The following MBNL3 variants were observed in gnomAD, a reference collection of about 807,000 sequenced individuals.
The protein encoded by MBNL3 is muscleblind like splicing regulator 3.
A neutral mutation model predicts 24.5 loss-of-function variants in MBNL3; 6 were observed. The ratio of observed to expected loss-of-function variants is 0.25; its 90% confidence interval spans 0.13 to 0.48. MBNL3 has a LOEUF of 0.48. Ranked by LOEUF, MBNL3 falls within the 20% of genes least tolerant of loss-of-function variation. The pLI is 0.99. For synonymous variants in MBNL3, 100 were observed against 101.7 expected, an observed-to-expected ratio of 0.98 and a Z score of 0.10; for missense variants, 230 against 293.5, an observed-to-expected ratio of 0.78 and a Z score of 1.58.
chrX:132,403,899 T>G lies in MBNL3; in HGVS notation c.342+2329A>C, dbSNP rs777073793. ...GTCTGATAATGAAATCTGCTTCCTA[T>G]TCTTTGCTCAGTTTGAAATTGAGAC... On this transcript the variant is annotated intron_variant, in intron 3 of 8. Coordinates refer to ENST00000370853, the MANE Select transcript of MBNL3 (RefSeq NM_001386889.1). Among the ~76,000 whole-genome samples, 7 of 111,709 alleles carry G rather than the reference T, an allele frequency of 6.3e-5. No homozygotes were observed. The South Asian group carries it at 2.7e-3, about 42-fold the overall frequency.
At chrX:132,437,854 AC>A (rs1945196823) in intron 2 of MBNL3, 1 of 487,035 alleles carries the variant, frequency 2.1e-6, no homozygotes, top group Admixed American at 9.1e-5. Context: ...CATAATGTCT[AC>A]CACAAATAAA....
At chrX:132,450,385 C>A (rs191275805) in intron 1 of MBNL3, among the ~76,000 whole-genome samples, 71 of 111,332 alleles carry the variant, frequency 6.4e-4, no homozygotes, top group Non-Finnish European at 1.3e-3. Context: ...TTTCTCTAAT[C>A]TTGTCTTCAC....
intron 3 of MBNL3, among the ~76,000 whole-genome samples, chrX:132,397,486 A>G (rs1939998155): frequency 9.0e-6 from 1 of 111,446 alleles, no homozygotes; most frequent in African/African-American, 3.3e-5. Context: ...GGTCAACAGA[A>G]TAATCGGGGC....
intron 1 of MBNL3, among the ~76,000 whole-genome samples, chrX:132,488,597 AAAG>A (rs1948130896): frequency 9.0e-6 from 1 of 111,247 alleles, no homozygotes; most frequent in Admixed American, 9.5e-5. Flanking sequence ...TTTAAATTAA[AAAG>A]AAGAAAGTAG....
chrX:132,462,914 G>A (rs1169816319), intron 1 of MBNL3, among the ~76,000 whole-genome samples: 1 of 111,324 alleles, frequency 9.0e-6, no homozygotes, highest in Non-Finnish European at 1.9e-5. Flanking sequence ...CAATTAACTA[G>A]GGCAATAGAA....
intron 2 of MBNL3, among the ~76,000 whole-genome samples, chrX:132,408,714 T>G (rs756611483): frequency 9.0e-6 from 1 of 111,616 alleles, no homozygotes; most frequent in South Asian, 3.8e-4. Flanking sequence ...TAATGACAGT[T>G]TAGCAGAGCA....
At chrX:132,432,857 A>T (rs1213068643) in intron 2 of MBNL3, 1 of 112,003 alleles carries the variant, frequency 8.9e-6, no homozygotes, top group Non-Finnish European at 1.9e-5. Flanking sequence ...ATGTAAAAAA[A>T]AAAAATCAAG....
At chrX:132,445,736 T>G (rs753636891) in intron 1 of MBNL3, among the ~76,000 whole-genome samples, 36 of 111,865 alleles carry the variant, frequency 3.2e-4, no homozygotes, top group African/African-American at 1.1e-3. Context: ...TAAAAAGATG[T>G]GTCCATTTTT....
chrX:132,478,357 C>T (rs773522056), intron 1 of MBNL3, among the ~76,000 whole-genome samples: 19 of 111,820 alleles, frequency 1.7e-4, no homozygotes, highest in Non-Finnish European at 3.4e-4. Context: ...AATCTTATAG[C>T]ACATCTATAG....
intron 1 of MBNL3, among the ~76,000 whole-genome samples, chrX:132,456,845 T>C (rs1262709017): frequency 1.8e-5 from 2 of 111,911 alleles, no homozygotes; most frequent in Admixed American, 1.9e-4. Flanking sequence ...TTGGAAGGTA[T>C]ATGTTTTCAT....
At chrX:132,452,968 G>C (rs1946186180) in intron 1 of MBNL3, among the ~76,000 whole-genome samples, 1 of 112,178 alleles carries the variant, frequency 8.9e-6, no homozygotes, top group Non-Finnish European at 1.9e-5. Context: ...AAGAAGAAAG[G>C]GGAGCTGGGC....
At chrX:132,400,028 AT>A (rs1012954889) in intron 3 of MBNL3, among the ~76,000 whole-genome samples, 1 of 110,668 alleles carries the variant, frequency 9.0e-6, no homozygotes, top group Non-Finnish European at 1.9e-5. Context: ...CATGTAATTT[AT>A]CTCACGGGAA....
intron 5 of MBNL3, among the ~76,000 whole-genome samples, chrX:132,389,021 A>G (rs1178097928): frequency 2.7e-5 from 3 of 111,790 alleles, no homozygotes; most frequent in Non-Finnish European, 5.6e-5. Flanking sequence ...ATGATATAAT[A>G]TTTAGCTCTC....
intron 1 of MBNL3, among the ~76,000 whole-genome samples, chrX:132,481,368 T>C (rs963927902): frequency 8.9e-6 from 1 of 112,535 alleles, no homozygotes; most frequent in Non-Finnish European, 1.9e-5. Flanking sequence ...TTAATGAATA[T>C]TGGAATAAAA....
chrX:132,476,618 T>C (rs764513006), intron 1 of MBNL3, among the ~76,000 whole-genome samples: 9 of 112,136 alleles, frequency 8.0e-5, no homozygotes, highest in Non-Finnish European at 1.7e-4. Flanking sequence ...TTGAGTTCCA[T>C]GTATACCTTA....
In MBNL3 at chrX:132,391,044, C is replaced by T; in HGVS notation, c.574G>A (p.Glu192Lys). 8.3e-7 allele frequency: 1 copy of T among 1,211,350 alleles called. No homozygotes were observed. Among genetic ancestry groups the T allele is most frequent in the Non-Finnish European group, 1.1e-6 (1 of 895,286 alleles). ...GGGTGAGCATAGCGGCAATCATTCTCCCCACGGGTACAATTTCCACGCTGA... is the reference window on the plus strand; with the variant it reads ...GGGTGAGCATAGCGGCAATCATTCTTCCCACGGGTACAATTTCCACGCTGA... ...EFQRGNCTRG[E>K]NDCRYAHPTD... is the part of the protein sequence containing the mutation. The change falls in exon 5 of 9, where the codon GAG (glutamate) becomes AAG (lysine). Residue 192 changes from glutamate (E) to lysine (K), a missense_variant. Physicochemically the swap from Glu to Lys is moderately conservative, Grantham distance 56. Coordinates refer to ENST00000370853, the MANE Select transcript of MBNL3 (RefSeq NM_001386889.1).
chrX:132,453,235 G>A lies in MBNL3; in HGVS notation c.-703-12921C>T, dbSNP rs767285901. On this transcript the variant is annotated intron_variant, in intron 1 of 8. Transcript: ENST00000370853. ...AAGAAGGAGCCTCTCTCATAGACTT[G>A]AAGCAGAGCAGAATCTTACAGGCCA... Among the ~76,000 whole-genome samples the A allele has an allele frequency of 1.6e-4, 18 of 111,650 alleles. No individual in the cohort carries two copies. The East Asian group carries it at 5.1e-3, about 31-fold the overall frequency.
rs184496342 is a variant in MBNL3, at chrX:132,474,626, G to A, written c.-704+14225C>T. Among the ~76,000 whole-genome samples the A allele has an allele frequency of 2.2e-3, 251 of 111,589 alleles. 1 individual carries two copies. The highest frequency in any genetic ancestry group is 4.6e-3 in the Middle Eastern group (1 of 218). On this transcript the variant is annotated intron_variant, in intron 1 of 8. Coordinates refer to ENST00000370853, the MANE Select transcript of MBNL3 (RefSeq NM_001386889.1). The stretch of plus-strand genomic sequence containing the variant: ...TACTGTGCATATTAACAGAGATGTT[G>A]CGCAAGTAGGGCAGCCACTCAGAAC...
chrX:132,386,642 C>A lies in MBNL3; in HGVS notation c.922+19G>T. On this transcript the variant is annotated intron_variant, in intron 6 of 8. Transcript: ENST00000370853. Reference sequence around the variant, plus strand: ...CAACATCACCAAACTCGCTGCAGTGCCTAGAGCTGTGTTCTCACCTGCAGG... The same window carrying A: ...CAACATCACCAAACTCGCTGCAGTGACTAGAGCTGTGTTCTCACCTGCAGG... 1 of 1,209,395 alleles carries A rather than the reference C, an allele frequency of 8.3e-7. No individual in the cohort carries two copies. Among genetic ancestry groups the A allele is most frequent in the African/African-American group, 1.7e-5 (1 of 57,755 alleles).
Sources: gnomAD v4.1 joint callset for allele counts (sites outside exome capture counted in the v4.1 genomes callset) on GRCh38, gnomAD v4.1.1 for gene constraint, MANE v1.5 for transcripts, NCBI Gene and HGNC (gene_info 2026-07-23, HGNC 2026-07-21) for gene names.